TGM3: variants seen among roughly 807,000 people sequenced by gnomAD.
TGM3 encodes the protein protein-glutamine gamma-glutamyltransferase E.
Under a neutral mutation model 73.8 loss-of-function variants are expected in TGM3, and 52 were observed. That is an observed-to-expected ratio of 0.70 (90% CI 0.56 to 0.89). TGM3 has a LOEUF of 0.89. Among genes scored for constraint, TGM3 ranks in the 40% least tolerant of loss-of-function variants. TGM3 has a pLI of 0.00. For synonymous variants in TGM3, 372 were observed against 354.9 expected (o/e 1.05, Z -0.54); for missense variants, 928 against 909.9 (o/e 1.02, Z -0.26).
intron 7 of TGM3, among the ~76,000 whole-genome samples, chr20:2,322,044 C>T (rs1010543477): frequency 9.9e-5 from 15 of 151,920 alleles, no homozygotes; most frequent in Non-Finnish European, 1.6e-4. Flanking sequence ...TCTCATCCCT[C>T]CCTTGCTCCT....
chr20:2,309,582 T>A (rs2084191831), intron 1 of TGM3, 75 bp from the exon 2 acceptor site: 1 of 1,515,374 alleles, frequency 6.6e-7, no homozygotes, highest in Non-Finnish European at 9.0e-7. Flanking sequence ...AGCTGCTCTT[T>A]GGTAACTTAC....
At chr20:2,304,845 G>T (rs1600691657) in intron 1 of TGM3, among the ~76,000 whole-genome samples, 1 of 152,272 alleles carries the variant, frequency 6.6e-6, no homozygotes, top group East Asian at 1.9e-4. Flanking sequence ...AGATGCCAGT[G>T]CTTCAGAAGT....
chr20:2,315,454 C>T (rs11908571), intron 5 of TGM3, among the ~76,000 whole-genome samples: 4,083 of 152,294 alleles, frequency 0.027, 102 homozygotes, highest in African/African-American at 0.062. Context: ...CCATGACAGC[C>T]CAGGACCTCC....
chr20:2,297,645 C>G (rs568292723), intron 1 of TGM3, among the ~76,000 whole-genome samples: 5 of 152,120 alleles, frequency 3.3e-5, no homozygotes, highest in Non-Finnish European at 7.4e-5. Context: ...GGGAGAAAAT[C>G]AATTTTGAAA....
chr20:2,298,913 G>A (rs117579901), intron 1 of TGM3, among the ~76,000 whole-genome samples: 6 of 152,172 alleles, frequency 3.9e-5, no homozygotes, highest in East Asian at 1.9e-4. Context: ...CTGTCTGCCC[G>A]GCTCCATGGC....
At chr20:2,338,070 AG>A (rs36058748) in intron 11 of TGM3, among the ~76,000 whole-genome samples, 42,448 of 152,076 alleles carry the variant, frequency 0.28, 6,212 homozygotes, top group East Asian at 0.41. Context: ...CACTCAGAGC[AG>A]GGCACCGATT....
Position 2,317,499 on chromosome 20 carries a change from C to A in TGM3, c.983+14C>A. ...TGATAGCGTATGGTAAGTATCTCACCTTTTCCCTGAACTTCGAGCACCACA... is the reference window on the plus strand; with the variant it reads ...TGATAGCGTATGGTAAGTATCTCACATTTTCCCTGAACTTCGAGCACCACA... On this transcript the variant is annotated intron_variant, in intron 7 of 12. Transcript: ENST00000381458. 6.2e-7 allele frequency: 1 copy of A among 1,613,724 alleles called. No individual in the cohort carries two copies. Among genetic ancestry groups the A allele is most frequent in the Non-Finnish European group, 8.5e-7 (1 of 1,179,670 alleles).
At chr20:2,309,625 T>C (rs1184673928) in intron 1 of TGM3, 32 bp from the exon 2 acceptor site, 2 of 1,611,146 alleles carry the variant, frequency 1.2e-6, no homozygotes, top group Non-Finnish European at 8.5e-7. Context: ...CCTTGCCTCC[T>C]AGGACTTCAG....
In TGM3 at chr20:2,334,623, G is replaced by A. The variant is rs1346362798; in HGVS notation, c.1643-493G>A. Among the ~76,000 whole-genome samples the A allele has an allele frequency of 1.3e-5, 2 of 152,092 alleles. No homozygotes were observed. The highest frequency in any genetic ancestry group is 2.9e-5 in the Non-Finnish European group (2 of 68,028). On this transcript the variant is annotated intron_variant, in intron 10 of 12. Transcript: ENST00000381458. This position sits in a 1 kb window ranked among gnomAD's most constrained non-coding sequence, Gnocchi z 4.0. ...TGCTACTGTTGTTGGCAATCAGGTG[G>A]CATTTGTATTCTTCCACTGCCCCTC... is the stretch of plus-strand genomic sequence containing the variant.
chr20:2,313,452 CCACAGCCCAGAG>C (rs1467445865), intron 5 of TGM3, among the ~76,000 whole-genome samples: 1 of 152,136 alleles, frequency 6.6e-6, no homozygotes, highest in African/African-American at 2.4e-5. Flanking sequence ...CTCATCTCTT[CCACAGCCCAGAG>C]CACAGCCCAG....
chr20:2,312,350 TCA>T (rs1472735730), intron 4 of TGM3, among the ~76,000 whole-genome samples: 60 of 119,262 alleles, frequency 5.0e-4, no homozygotes, highest in Admixed American at 1.5e-3. Flanking sequence ...TGAGCCGAGA[TCA>T]TACCACTGCA....
At chr20:2,309,311 C>T (rs1181457114) in intron 1 of TGM3, among the ~76,000 whole-genome samples, 1 of 152,184 alleles carries the variant, frequency 6.6e-6, no homozygotes, top group Non-Finnish European at 1.5e-5. Flanking sequence ...TTGGCCCGTT[C>T]CTTAAGGGCC....
rs1600711041 is a variant in TGM3 at position 2,338,040 on chromosome 20, G to C, written c.1801-1814G>C. ...TAATCGAGACATTCTTGTCTCTATT[G>C]AACGGATCAATGCCTAGCTCACTCA... On this transcript the variant is annotated intron_variant, in intron 11 of 12. Coordinates refer to ENST00000381458, the MANE Select transcript of TGM3 (RefSeq NM_003245.4). 2.0e-5 allele frequency among the ~76,000 whole-genome samples: 3 copies of C among 151,838 alleles called. No homozygotes were observed. The East Asian group carries it at 5.8e-4, about 29-fold the overall frequency.
chr20:2,310,158 ACCTCT>A lies in TGM3; in HGVS notation c.182-19_182-15del. The A allele has an allele frequency of 1.2e-6, 2 of 1,613,106 alleles. No individual in the cohort carries two copies. The highest frequency in any genetic ancestry group is 4.5e-5 in the East Asian group (2 of 44,836). Reference sequence around the variant, plus strand: ...TGACCAGTGCTTGTTGGTTTTCTCAACCTCTGTCTTCTTTGACAGGGCCTTACCCC... The same window carrying A: ...TGACCAGTGCTTGTTGGTTTTCTCAAGTCTTCTTTGACAGGGCCTTACCCC... On this transcript the variant is annotated splice_polypyrimidine_tract_variant and intron_variant, in intron 2 of 12. Transcript: ENST00000381458.
At chr20:2,316,990 T>C in intron 5 of TGM3, 78 bp from the exon 6 acceptor site, 1 of 1,532,296 alleles carries the variant, frequency 6.5e-7, no homozygotes, top group Admixed American at 1.7e-5. Context: ...CCCCACCTTG[T>C]CCTCTGAATT....
intron 5 of TGM3, among the ~76,000 whole-genome samples, chr20:2,314,206 C>T (rs2084221815): frequency 6.6e-6 from 1 of 152,032 alleles, no homozygotes; most frequent in South Asian, 2.1e-4. Context: ...CATGGTGGTA[C>T]ATACCTGTAT....
In TGM3 at chr20:2,311,062, A is replaced by G; in HGVS notation, c.473A>G (p.Glu158Gly). The change falls in exon 4 of 13, where the codon GAA (glutamate) becomes GGA (glycine). Residue 158 changes from glutamate (E) to glycine (G), a missense_variant. Physicochemically the swap from Glu to Gly is moderately conservative, Grantham distance 98. Transcript: ENST00000381458. Reference protein sequence around the residue: ...NHAEREEYVQEDAGIIFVGST... With the variant: ...NHAEREEYVQGDAGIIFVGST... ...GCTGAGAGAGAAGAGTATGTTCAGG[A>G]AGATGCCGGCATCATCTTTGTGGGA... 1 of 1,614,116 alleles carries G rather than the reference A, an allele frequency of 6.2e-7. No individual in the cohort carries two copies. The highest frequency in any genetic ancestry group is 8.5e-7 in the Non-Finnish European group (1 of 1,179,986).
Position 2,332,351 on chromosome 20 carries a change from G to T in TGM3, c.1642+41G>T, listed in dbSNP as rs764720533. 7.9e-6 allele frequency: 12 copies of T among 1,520,658 alleles called. No homozygotes were observed. The highest frequency in any genetic ancestry group is 8.8e-7 in the Non-Finnish European group (1 of 1,134,664). 94.2% of individuals were successfully genotyped at this position (1,520,658 alleles called of 1,614,324 possible). On this transcript the variant is annotated intron_variant, in intron 10 of 12. Transcript: ENST00000381458. This position sits in a 1 kb window ranked among gnomAD's most constrained non-coding sequence, Gnocchi z 4.4. ...GTTGGAGGAGATCCACGAATCCGAG[G>T]TAGCCAATGGCCTTCTGGGGCTGCA...
At chr20:2,335,455 C>T (rs908716157) in intron 11 of TGM3, among the ~76,000 whole-genome samples, 182 bp downstream of exon 11, 2 of 152,232 alleles carry the variant, frequency 1.3e-5, no homozygotes, top group Admixed American at 1.3e-4. Context: ...CCAAGAGCTC[C>T]CACTCAGGCC....
Sources: allele counts gnomAD v4.1 joint callset (sites outside exome capture counted in the v4.1 genomes callset), GRCh38; gene constraint gnomAD v4.1.1; non-coding constraint Gnocchi (gnomAD v3.1); transcripts MANE v1.5; gene names NCBI Gene and HGNC (gene_info 2026-07-23, HGNC 2026-07-21).